JARID2: variants seen among roughly 807,000 people sequenced by gnomAD.
JARID2 encodes protein Jumonji.
JARID2 carries 21 observed loss-of-function variants against 125.6 expected under a neutral mutation model. The observed-to-expected ratio is 0.17, with a 90% CI of 0.12 to 0.24. The LOEUF is 0.24. Among genes scored for constraint, JARID2 ranks in the 10% least tolerant of loss-of-function variants. JARID2 has a pLI of 1.00. For synonymous variants in JARID2, 736 were observed against 661.6 expected (o/e 1.11, Z -1.73); for missense variants, 1,303 against 1,639.6 (o/e 0.79, Z 3.55).
intron 1 of JARID2, among the ~76,000 whole-genome samples, chr6:15,371,830 CTGTGGATG>C (rs1764181518): frequency 6.6e-6 from 1 of 152,204 alleles, no homozygotes; most frequent in African/African-American, 2.4e-5. Context: ...GTACCGTGGT[CTGTGGATG>C]TTTTGGCTGT....
At chr6:15,402,597 T>C (rs1299074595) in intron 2 of JARID2, among the ~76,000 whole-genome samples, 8 of 152,212 alleles carry the variant, frequency 5.3e-5, no homozygotes, top group African/African-American at 1.9e-4. Flanking sequence ...GTCTCCTTCA[T>C]GTGACTGAGT....
At chr6:15,376,971 G>A (rs915485355) in intron 2 of JARID2, among the ~76,000 whole-genome samples, 1 of 152,150 alleles carries the variant, frequency 6.6e-6, no homozygotes, top group African/African-American at 2.4e-5. Context: ...ATATGTGGAC[G>A]TGTCTGTGTG....
chr6:15,507,019 G>A (rs35947355), intron 9 of JARID2, 117 bp from the exon 10 acceptor site: 126,198 of 693,680 alleles, frequency 0.18, 13,036 homozygotes, highest in Non-Finnish European at 0.22. Flanking sequence ...CAAAGAGAGC[G>A]TCTGTTCTGA....
intron 1 of JARID2, among the ~76,000 whole-genome samples, chr6:15,341,905 A>G (rs1050744369): frequency 6.6e-5 from 10 of 152,154 alleles, no homozygotes; most frequent in African/African-American, 2.4e-4. Context: ...TTTCAATCCT[A>G]TTTAAGTCCT....
chr6:15,412,055 A>C (rs988781064), intron 3 of JARID2, among the ~76,000 whole-genome samples: 2 of 152,152 alleles, frequency 1.3e-5, no homozygotes, highest in African/African-American at 2.4e-5. Flanking sequence ...GAAAAGAGGA[A>C]CTCTTTTTCA....
At chr6:15,313,469 A>C (rs2127430401) in intron 1 of JARID2, among the ~76,000 whole-genome samples, 1 of 152,272 alleles carries the variant, frequency 6.6e-6, no homozygotes, top group South Asian at 2.1e-4. Flanking sequence ...GTGCCTCTTC[A>C]CTGGTGACTT....
intron 2 of JARID2, among the ~76,000 whole-genome samples, chr6:15,404,397 G>A (rs986018731): frequency 6.6e-6 from 1 of 152,018 alleles, no homozygotes; most frequent in African/African-American, 2.4e-5. Context: ...TGCAAAACTT[G>A]AGTGAACATA....
intron 3 of JARID2, among the ~76,000 whole-genome samples, chr6:15,434,141 T>G (rs1293413777): frequency 9.0e-5 from 3 of 33,274 alleles, no homozygotes; most frequent in African/African-American, 5.4e-4. Flanking sequence ...TCCTAACAGT[T>G]TTTTTTTTTA....
Position 15,491,595 on chromosome 6 carries a change from A to G in JARID2, c.906+4053A>G, listed in dbSNP as rs1038072207. ...CTCTCGTGGAGAAGAAGAACTTGCC[A>G]GTGAATCTGAGGTTGAACTGAGGAC... On this transcript the variant is annotated intron_variant, in intron 6 of 17. Coordinates refer to ENST00000341776, the MANE Select transcript of JARID2 (RefSeq NM_004973.4). Among the ~76,000 whole-genome samples the G allele has an allele frequency of 4.6e-5, 7 of 152,262 alleles. No homozygotes were observed. In the South Asian group the frequency reaches 6.2e-4, roughly 13 times the overall value.
At position 15,260,605 on chromosome 6, in the gene JARID2, TC is replaced by T. The variant is rs556292691; in HGVS notation, c.45+14023del. Among the ~76,000 whole-genome samples, 33 of 152,326 alleles carry T rather than the reference TC, an allele frequency of 2.2e-4. 1 individual carries two copies. The South Asian group carries it at 6.6e-3, about 31-fold the overall frequency. On this transcript the variant is annotated intron_variant, in intron 1 of 17. Coordinates refer to ENST00000341776, the MANE Select transcript of JARID2 (RefSeq NM_004973.4). ...CACCATCAATTAGTTCTGCAGAAACTCCTGGTACAAATAAGAACTTGCAAAG... is the reference window on the plus strand; with the variant it reads ...CACCATCAATTAGTTCTGCAGAAACTCTGGTACAAATAAGAACTTGCAAAG...
intron 1 of JARID2, among the ~76,000 whole-genome samples, chr6:15,359,833 C>A (rs542900132): frequency 1.3e-5 from 2 of 152,046 alleles, no homozygotes; most frequent in African/African-American, 4.8e-5. Context: ...ACCACAGGCA[C>A]CCGCCACCAT....
chr6:15,326,262 G>T (rs1338736943), intron 1 of JARID2, among the ~76,000 whole-genome samples: 1 of 152,104 alleles, frequency 6.6e-6, no homozygotes, highest in Non-Finnish European at 1.5e-5. Flanking sequence ...GAGTTCAGTG[G>T]TGGTGCCATC....
intron 4 of JARID2, among the ~76,000 whole-genome samples, chr6:15,467,052 T>C (rs188562344): frequency 1.5e-3 from 230 of 152,282 alleles, no homozygotes; most frequent in Admixed American, 3.3e-3. Flanking sequence ...AGTAATGTGG[T>C]TCACATAATT....
chr6:15,340,722 T>TTTA (rs1763039329), intron 1 of JARID2, among the ~76,000 whole-genome samples: 1 of 152,246 alleles, frequency 6.6e-6, no homozygotes. Flanking sequence ...GGCCGTGATC[T>TTTA]TTATTTCAAT....
intron 6 of JARID2, among the ~76,000 whole-genome samples, chr6:15,493,877 CT>C (rs1246697166): frequency 5.3e-5 from 8 of 152,130 alleles, no homozygotes; most frequent in Non-Finnish European, 5.9e-5. Context: ...GTCCTTACCC[CT>C]GGTTTTATAA....
chr6:15,487,324 A>G lies in JARID2; in HGVS notation c.688A>G (p.Arg230Gly). The change falls in exon 6 of 18, where the codon AGG becomes GGG. Residue 230 changes from arginine to glycine, a missense_variant. Physicochemically the swap from Arg to Gly is moderately radical, Grantham distance 125. Coordinates refer to ENST00000341776, the MANE Select transcript of JARID2 (RefSeq NM_004973.4). ...CTTTCTAGTTTTCAATGGTTCCAGC[A>G]GGTCAACACGGGAGAAGGAACCTGT... The part of the protein sequence containing the change: ...HNGHVFNGSS[R>G]STREKEPVQK... The G allele has an allele frequency of 6.2e-7, 1 of 1,614,108 alleles. No individual in the cohort carries two copies. The highest frequency in any genetic ancestry group is 8.5e-7 in the Non-Finnish European group (1 of 1,179,952).
chr6:15,256,068 A>G (rs1759651743), intron 1 of JARID2, among the ~76,000 whole-genome samples: 1 of 152,122 alleles, frequency 6.6e-6, no homozygotes, highest in Non-Finnish European at 1.5e-5. Flanking sequence ...TTGCTGGGAG[A>G]GGCAGGGGAA....
At chr6:15,356,961 CTGAGAG>C (rs55900972) in intron 1 of JARID2, among the ~76,000 whole-genome samples, 119,927 of 151,342 alleles carry the variant, frequency 0.79, 47,576 homozygotes, top group East Asian at 0.84. Flanking sequence ...TTGCAGTGAG[CTGAGAG>C]TGCACCACTG....
intron 3 of JARID2, among the ~76,000 whole-genome samples, chr6:15,436,414 T>C (rs1330628445): frequency 6.6e-6 from 1 of 152,200 alleles, no homozygotes; most frequent in Admixed American, 6.5e-5. Flanking sequence ...GCTTGTGTCG[T>C]CTTCCGCTGA....
Sources: allele counts gnomAD v4.1 joint callset (sites outside exome capture counted in the v4.1 genomes callset), GRCh38; gene constraint gnomAD v4.1.1; transcripts MANE v1.5; gene names NCBI Gene and HGNC (gene_info 2026-07-23, HGNC 2026-07-21).